Variants in CCDC74A observed in about 807,000 individuals in gnomAD.
CCDC74A encodes the protein coiled-coil domain containing 74A.
In CCDC74A, 38 loss-of-function variants were observed where a neutral mutation model predicts 37.6. The ratio of observed to expected loss-of-function variants is 1.01; its 90% CI spans 0.78 to 1.33. The LOEUF is 1.33. Among genes scored for constraint, CCDC74A ranks in the 40% most tolerant of loss-of-function variants. The pLI, the probability that CCDC74A is intolerant of heterozygous loss-of-function variation, is 0.00. For missense variants in CCDC74A, 340 were observed against 403.4 expected, an observed-to-expected ratio of 0.84 and a Z score of 1.35; for synonymous variants, 134 against 165.2, an observed-to-expected ratio of 0.81 and a Z score of 1.45.
rs1407422017 is a variant in CCDC74A at position 131,528,089 on chromosome 2, A to T, written c.119A>T (p.Gln40Leu). The change falls in exon 1 of 8, where the codon CAG becomes CTG. Residue 40 changes from glutamine (Q) to leucine (L), a missense_variant. By Grantham distance (113) the Gln-to-Leu change is moderately radical. Transcript: ENST00000409856. ...GVQSLRPQSP[Q>L]LRQSDPQKRN... Reference sequence around the variant, plus strand: ...CAGTCCTTGAGGCCGCAGAGCCCGCAGCTCAGGCAGAGCGACCCGCAGAAA... The same window carrying T: ...CAGTCCTTGAGGCCGCAGAGCCCGCTGCTCAGGCAGAGCGACCCGCAGAAA... The T allele has an allele frequency of 6.2e-7, 1 of 1,613,030 alleles. No individual in the cohort carries two copies.
chr2:131,528,151 C>A lies in CCDC74A; in HGVS notation c.181C>A (p.Gln61Lys). The change falls in exon 1 of 8, where the codon CAG (glutamine) becomes AAG (lysine). Residue 61 changes from glutamine to lysine, a missense_variant. Gln to Lys is a moderately conservative substitution (Grantham distance 53). This residue lies in a region of CCDC74A where 154 missense variants were observed against 153.9 expected (regional missense o/e 1.00). Transcript: ENST00000409856. ...CCTGGAGAAAAGCCTGCAGTTCCTGCAGCAGCAGCACTCGGAGATGCTGGC... is the reference window on the plus strand; with the variant it reads ...CCTGGAGAAAAGCCTGCAGTTCCTGAAGCAGCAGCACTCGGAGATGCTGGC... Reference protein sequence around the residue: ...LDLEKSLQFLQQQHSEMLAKL... With the variant: ...LDLEKSLQFLKQQHSEMLAKL... The A allele has an allele frequency of 6.2e-7, 1 of 1,613,908 alleles. No individual in the cohort carries two copies. The highest frequency in any genetic ancestry group is 1.7e-4 in the Middle Eastern group (1 of 6,056).
chr2:131,530,322 A>T, intron 2 of CCDC74A: 1 of 1,543,420 alleles, frequency 6.5e-7, no homozygotes. Context: ...TGACTGGTGG[A>T]TGGAGCCAGC....
chr2:131,531,054 C>G (rs1221397599), intron 3 of CCDC74A, among the ~76,000 whole-genome samples: 1 of 152,136 alleles, frequency 6.6e-6, no homozygotes, highest in Non-Finnish European at 1.5e-5. Flanking sequence ...GGCCTCACAG[C>G]AGGCACCCCA....
chr2:131,527,459 G>A (rs1680391903), upstream of CCDC74A, among the ~76,000 whole-genome samples: 1 of 151,950 alleles, frequency 6.6e-6, no homozygotes, highest in South Asian at 2.1e-4. Context: ...TTAGAGACGG[G>A]GTCTCACTTT....
Position 131,531,852 on chromosome 2 carries a change from C to A in CCDC74A, c.485+50C>A. Reference sequence around the variant, plus strand: ...GCAAGGGCAGGCCAGGTAAGTCTTGCCTGCACCCTAAGGGCCCCATGACTA... The same window carrying A: ...GCAAGGGCAGGCCAGGTAAGTCTTGACTGCACCCTAAGGGCCCCATGACTA... On this transcript the variant is annotated intron_variant, in intron 4 of 7. Transcript: ENST00000409856. The A allele has an allele frequency of 2.6e-6, 4 of 1,537,614 alleles. No individual in the cohort carries two copies. In the South Asian group the frequency reaches 4.7e-5, roughly 18 times the overall value.
intron 1 of CCDC74A, 197 bp downstream of exon 1, chr2:131,528,417 C>T (rs1680563966): frequency 6.4e-7 from 1 of 1,550,904 alleles, no homozygotes; most frequent in Non-Finnish European, 8.7e-7. Flanking sequence ...CCGGGCAGTG[C>T]CGACCCTGTC....
intron 1 of CCDC74A, chr2:131,529,143 G>A (rs1680744237): frequency 4.8e-6 from 1 of 209,320 alleles, no homozygotes; most frequent in South Asian, 8.4e-5. Context: ...CAGTGCCCGC[G>A]GCCTCCTCTC....
intron 2 of CCDC74A, 138 bp downstream of exon 2, chr2:131,529,829 G>A (rs1294431414): frequency 6.5e-7 from 1 of 1,526,936 alleles, no homozygotes; most frequent in African/African-American, 1.4e-5. Flanking sequence ...GACCTGGACA[G>A]ATGCCGCTAC....
At chr2:131,530,527 C>T in intron 2 of CCDC74A, 3 of 1,575,320 alleles carry the variant, frequency 1.9e-6, no homozygotes, top group Non-Finnish European at 2.6e-6. Flanking sequence ...AGAGGCCATG[C>T]TTTCCCTCGG....
At chr2:131,529,535 G>C (rs527680246) in intron 1 of CCDC74A, 112 bp from the exon 2 acceptor site, 1 of 1,433,008 alleles carries the variant, frequency 7.0e-7, no homozygotes, top group South Asian at 1.1e-5. Flanking sequence ...CAATCAGCCA[G>C]TGGGGGGGCA....
At chr2:131,528,592 C>T (rs1478731636) in intron 1 of CCDC74A, 5 of 963,900 alleles carry the variant, frequency 5.2e-6, no homozygotes, top group South Asian at 1.4e-5. Flanking sequence ...GGGCGGATCA[C>T]GAGGTCAGGA....
chr2:131,533,597 A>C lies in CCDC74A; in HGVS notation c.*199A>C, dbSNP rs9162. On this transcript the variant is annotated 3_prime_UTR_variant, in exon 8 of 8. Transcript: ENST00000409856. The stretch of plus-strand genomic sequence containing the variant: ...TGTTATTTTGCTATTTGGCATTTAC[A>C]TAAAAGCACACGATGAAGCAGGTAT... 2.9e-6 allele frequency: 2 copies of C among 696,918 alleles called. No individual in the cohort carries two copies. Among genetic ancestry groups the C allele is most frequent in the Admixed American group, 6.0e-5 (2 of 33,364 alleles). 43.2% of individuals were successfully genotyped at this position (696,918 alleles called of 1,614,324 possible).
intron 1 of CCDC74A, 46 bp from the exon 2 acceptor site, chr2:131,529,601 A>G (rs533065298): frequency 1.5e-4 from 243 of 1,612,860 alleles, no homozygotes; most frequent in South Asian, 3.7e-4. Context: ...CTCTCAGAAT[A>G]GCTGTGGTTT....
At chr2:131,529,104 T>C (rs1291176713) in intron 1 of CCDC74A, 1 of 195,094 alleles carries the variant, frequency 5.1e-6, no homozygotes, top group East Asian at 1.3e-4. Context: ...CTCCTCGATC[T>C]TGCTTCAGGA....
rs1318336609 is a variant in CCDC74A at position 131,531,802 on chromosome 2, G to C, written c.485G>C (p.Arg162Thr). The change falls in exon 4 of 8, where the codon AGA becomes ACA. Residue 162 changes from arginine (R) to threonine (T), a missense_variant and splice_region_variant. By Grantham distance (71) the Arg-to-Thr change is moderately conservative. Transcript: ENST00000409856. The stretch of plus-strand genomic sequence containing the variant: ...GTTCCTGGGGTACAAGGGCAGGCCA[G>C]GTAAGGCTTGGGTGTTCCTGGGGTG... The part of the protein sequence containing the change: ...DKVPGVQGQA[R>T]KEKAEASNAG... 3.9e-6 allele frequency: 6 copies of C among 1,521,430 alleles called. 1 individual carries two copies. Among genetic ancestry groups the C allele is most frequent in the Non-Finnish European group, 5.2e-6 (6 of 1,143,996 alleles). The allele number at this position is 1,521,430 out of a possible 1,614,324, so 94.2% of individuals were successfully genotyped here.
chr2:131,533,424 G>T lies in CCDC74A; in HGVS notation c.*26G>T. The T allele has an allele frequency of 1.9e-6, 3 of 1,610,872 alleles. No homozygotes were observed. The highest frequency in any genetic ancestry group is 2.5e-6 in the Non-Finnish European group (3 of 1,178,166). ...GCCACCCCAATCTGGTCAGTGCCAG[G>T]CCCACCAACCTGCAGCTGGAGACTG... On this transcript the variant is annotated 3_prime_UTR_variant, in exon 8 of 8. Transcript: ENST00000409856.
At position 131,530,836 on chromosome 2, in the gene CCDC74A, G is replaced by C. The variant is rs1172485380; in HGVS notation, c.346+9G>C. ...GTCCATCTCTAATTCAGGTGAGCAG[G>C]CTGGCGTCCATGTGCTCACAGGGGT... On this transcript the variant is annotated intron_variant, in intron 3 of 7. Coordinates refer to ENST00000409856, the MANE Select transcript of CCDC74A (RefSeq NM_001258306.3). 2 of 1,607,538 alleles carry C rather than the reference G, an allele frequency of 1.2e-6. No individual in the cohort carries two copies. Among genetic ancestry groups the C allele is most frequent in the East Asian group, 2.3e-5 (1 of 44,406 alleles).
chr2:131,533,366 C>T lies in CCDC74A; in HGVS notation c.907C>T (p.Gln303Ter). The change falls in exon 8 of 8, where the codon CAG (glutamine) becomes TAG (stop). Residue 303 changes from glutamine (Q) to a stop codon, truncating the protein, a stop_gained. Coordinates refer to ENST00000409856, the MANE Select transcript of CCDC74A (RefSeq NM_001258306.3). LOFTEE classifies it high-confidence loss of function. ...GAGGCAGAAGAGGCTGCAGGCAATGCAGAAACGGCGCCTGCATCGCTCAGT... is the reference window on the plus strand; with the variant it reads ...GAGGCAGAAGAGGCTGCAGGCAATGTAGAAACGGCGCCTGCATCGCTCAGT... ...AERQKRLQAM[Q>*]KRRLHRSVL 1.2e-6 allele frequency: 2 copies of T among 1,613,508 alleles called. No homozygotes were observed. The highest frequency in any genetic ancestry group is 1.7e-6 in the Non-Finnish European group (2 of 1,179,990).
chr2:131,529,554 G>C lies in CCDC74A; in HGVS notation c.251-93G>C, dbSNP rs773687308. Reference sequence around the variant, plus strand: ...CAGCCAGTGGGGGGGCAGGACTTTTGGGCTCAGCAGCCAGGAGAGGACAGG... The same window carrying C: ...CAGCCAGTGGGGGGGCAGGACTTTTCGGCTCAGCAGCCAGGAGAGGACAGG... On this transcript the variant is annotated intron_variant, in intron 1 of 7. Coordinates refer to ENST00000409856, the MANE Select transcript of CCDC74A (RefSeq NM_001258306.3). 35 of 1,557,262 alleles carry C rather than the reference G, an allele frequency of 2.2e-5. No individual in the cohort carries two copies. In the African/African-American group the frequency reaches 4.2e-4, roughly 19 times the overall value.
Sources: allele counts gnomAD v4.1 joint callset (sites outside exome capture counted in the v4.1 genomes callset), GRCh38; gene constraint gnomAD v4.1.1; regional missense constraint gnomAD v4.1.1; transcripts MANE v1.5; gene names NCBI Gene and HGNC (gene_info 2026-07-23, HGNC 2026-07-21).